ELMOD1: variants seen among roughly 807,000 people sequenced by gnomAD.
ELMOD1 encodes ELMO domain containing 1.
ELMOD1 carries 21 observed loss-of-function variants against 46.7 expected under a neutral mutation model. The ratio of observed to expected loss-of-function variants is 0.45; its 90% CI spans 0.32 to 0.65. The LOEUF (loss-of-function observed/expected upper bound fraction) is 0.65, where lower values mean the gene tolerates loss of function less well. Ranked by LOEUF, ELMOD1 falls within the 30% of genes least tolerant of loss-of-function variation. The pLI, the probability that ELMOD1 is intolerant of heterozygous loss-of-function variation, is 0.04. For synonymous variants in ELMOD1, 122 were observed against 138.2 expected (o/e 0.88, Z 0.82); for missense variants, 348 against 407.8 (o/e 0.85, Z 1.26).
chr11:107,654,079 T>A, intron 9 of ELMOD1, 93 bp from the exon 10 acceptor site: 1 of 1,030,662 alleles, frequency 9.7e-7, no homozygotes, highest in Admixed American at 2.0e-5. Flanking sequence ...CATCTCTGCA[T>A]ATAGTTAACA....
chr11:107,594,970 T>C (rs149604711), intron 1 of ELMOD1, among the ~76,000 whole-genome samples: 15 of 152,330 alleles, frequency 9.8e-5, no homozygotes, highest in Admixed American at 3.3e-4. Context: ...TACATGTGTG[T>C]CTTTGAAGAC....
intron 4 of ELMOD1, 56 bp downstream of exon 4, chr11:107,630,784 A>G (rs1289335758): frequency 6.5e-6 from 10 of 1,533,096 alleles, no homozygotes; most frequent in Non-Finnish European, 8.8e-6. Flanking sequence ...TACCTTTATC[A>G]TAAGAAGTAA....
In ELMOD1 at chr11:107,625,305, T is replaced by G. The variant is rs148191909; in HGVS notation, c.18-5112T>G. 1.9e-4 allele frequency: 142 copies of G among 733,176 alleles called. No homozygotes were observed. The African/African-American group carries it at 2.5e-3, about 13-fold the overall frequency. The allele number at this position is 733,176 out of a possible 1,614,324, so 45.4% of individuals were successfully genotyped here. On this transcript the variant is annotated intron_variant, in intron 2 of 11. Coordinates refer to ENST00000265840, the MANE Select transcript of ELMOD1 (RefSeq NM_018712.4). ...CTTTATGACATTTAGATGAAAAGTA[T>G]TTCATTTGGGAAACTGTGGTTTGAA...
rs965542117 is a variant in ELMOD1 at position 107,598,420 on chromosome 11, A to G, written c.-86+7011A>G. On this transcript the variant is annotated intron_variant, in intron 1 of 11. Coordinates refer to ENST00000265840, the MANE Select transcript of ELMOD1 (RefSeq NM_018712.4). ...CCACCCACACTGGGAAGGGGAAATGACTTACTGAGGCCACCAATTCAAATG... is the reference window on the plus strand; with the variant it reads ...CCACCCACACTGGGAAGGGGAAATGGCTTACTGAGGCCACCAATTCAAATG... 3.3e-5 allele frequency among the ~76,000 whole-genome samples: 5 copies of G among 152,352 alleles called. No individual in the cohort carries two copies. In the East Asian group the frequency reaches 9.6e-4, roughly 29 times the overall value.
At chr11:107,605,826 T>C (rs1591102727) in intron 1 of ELMOD1, among the ~76,000 whole-genome samples, 2 of 152,318 alleles carry the variant, frequency 1.3e-5, no homozygotes, top group East Asian at 3.9e-4. Context: ...AGGGAGATCT[T>C]TATGCACAAG....
chr11:107,611,595 C>T (rs1351918604), intron 1 of ELMOD1, among the ~76,000 whole-genome samples: 3 of 150,390 alleles, frequency 2.0e-5, no homozygotes, highest in Non-Finnish European at 4.4e-5. Context: ...GTCCCAGCTA[C>T]TCTGGAGGCT....
chr11:107,654,044 A>G, intron 9 of ELMOD1, 128 bp from the exon 10 acceptor site: 1 of 762,072 alleles, frequency 1.3e-6, no homozygotes, highest in Non-Finnish European at 2.2e-6. Context: ...GTGGCTTAAC[A>G]TTTGTTGGAT....
rs574458 is a variant in ELMOD1 at position 107,632,395 on chromosome 11, A to C, written c.290+718A>C. Among the ~76,000 whole-genome samples, 1,298 of 152,292 alleles carry C rather than the reference A, an allele frequency of 8.5e-3. 18 individuals carry two copies. The highest frequency in any genetic ancestry group is 0.03 in the African/African-American group (1,252 of 41,550). On this transcript the variant is annotated intron_variant, in intron 5 of 11. Transcript: ENST00000265840. The stretch of plus-strand genomic sequence containing the variant: ...GTCTTTTAGATGTTCGTGTCTGAGA[A>C]CTTTAGATGTTACCTTTGAGAAAGG...
intron 2 of ELMOD1, among the ~76,000 whole-genome samples, chr11:107,624,939 G>A (rs968108069): frequency 3.9e-5 from 6 of 152,104 alleles, no homozygotes; most frequent in African/African-American, 1.2e-4. Context: ...TCGGAAGTTA[G>A]TGTGATCTCT....
At chr11:107,651,831 G>A (rs1160352305) in intron 9 of ELMOD1, among the ~76,000 whole-genome samples, 3 of 152,142 alleles carry the variant, frequency 2.0e-5, no homozygotes, top group African/African-American at 4.8e-5. Flanking sequence ...CTTGGAAAGT[G>A]ACAATAAGCT....
intron 2 of ELMOD1, among the ~76,000 whole-genome samples, chr11:107,627,475 A>T (rs1019963147): frequency 1.3e-5 from 2 of 152,178 alleles, no homozygotes; most frequent in South Asian, 2.1e-4. Context: ...AGTTTTTTTT[A>T]AAAGATAAAA....
intron 1 of ELMOD1, among the ~76,000 whole-genome samples, chr11:107,594,134 T>C (rs1468052700): frequency 6.6e-6 from 1 of 151,856 alleles, no homozygotes; most frequent in African/African-American, 2.4e-5. Context: ...ATGGTGGTGG[T>C]GGAGGGGCGT....
intron 11 of ELMOD1, among the ~76,000 whole-genome samples, chr11:107,656,448 T>A (rs1044057829): frequency 5.3e-4 from 78 of 147,722 alleles, no homozygotes; most frequent in Middle Eastern, 3.6e-3. Flanking sequence ...ATGATATATA[T>A]AAAAATATAT....
chr11:107,646,567 T>C (rs1275583001), intron 6 of ELMOD1, among the ~76,000 whole-genome samples: 1 of 151,936 alleles, frequency 6.6e-6, no homozygotes, highest in African/African-American at 2.4e-5. Context: ...AAACCCCGCC[T>C]CTACTAAAAA....
intron 11 of ELMOD1, among the ~76,000 whole-genome samples, chr11:107,657,917 T>C (rs1342586710): frequency 6.6e-6 from 1 of 152,176 alleles, no homozygotes; most frequent in Non-Finnish European, 1.5e-5. Flanking sequence ...TTACCATGTT[T>C]GAACACATTG....
chr11:107,630,519 C>G lies in ELMOD1; in HGVS notation c.120C>G (p.Ile40Met). 6.2e-7 allele frequency: 1 copy of G among 1,610,704 alleles called. No homozygotes were observed. The highest frequency in any genetic ancestry group is 8.5e-7 in the Non-Finnish European group (1 of 1,178,466). Residue 40 changes from isoleucine to methionine, a missense_variant, in exon 3 of 12, where the codon ATC becomes ATG. By Grantham distance (10) the Ile-to-Met change is conservative (BLOSUM62 1). Coordinates refer to ENST00000265840, the MANE Select transcript of ELMOD1 (RefSeq NM_018712.4). ...CTGGAAGATGTGAACTACAACGGAT[C>G]TGTTATAATACCAAGCCGGGAGCTT... ...KLTGRCELQRICYNTKPGASR... is the reference protein window; with the variant it reads ...KLTGRCELQRMCYNTKPGASR...
At chr11:107,662,854 G>A (rs1866766794) in intron 11 of ELMOD1, among the ~76,000 whole-genome samples, 1 of 151,954 alleles carries the variant, frequency 6.6e-6, no homozygotes, top group Non-Finnish European at 1.5e-5. Context: ...ATTCGCCACT[G>A]TGCTCCAGCC....
intron 9 of ELMOD1, 150 bp downstream of exon 9, chr11:107,651,058 C>A: frequency 2.2e-6 from 1 of 454,682 alleles, no homozygotes; most frequent in Non-Finnish European, 3.5e-6. Context: ...TATAGCTGGG[C>A]TATGTTTTAA....
intron 6 of ELMOD1, among the ~76,000 whole-genome samples, chr11:107,639,005 C>T (rs1050329889): frequency 6.6e-6 from 1 of 152,052 alleles, no homozygotes; most frequent in East Asian, 1.9e-4. Context: ...TAATAAATAG[C>T]TGGGCATGGT....
Sources: allele counts gnomAD v4.1 joint callset (sites outside exome capture counted in the v4.1 genomes callset), GRCh38; gene constraint gnomAD v4.1.1; transcripts MANE v1.5; gene names NCBI Gene and HGNC (gene_info 2026-07-23, HGNC 2026-07-21).